LRRC7: variants seen among roughly 807,000 people sequenced by gnomAD.
LRRC7 encodes leucine rich repeat containing 7, also known as leucine-rich repeat-containing protein 7.
In LRRC7, 23 loss-of-function variants were observed where a neutral mutation model predicts 175.7. The ratio of observed to expected loss-of-function variants is 0.13; its 90% CI spans 0.09 to 0.19. The LOEUF is 0.19. Ranked by LOEUF, LRRC7 falls within the 10% of genes least tolerant of loss-of-function variation. The pLI is 1.00. For synonymous variants in LRRC7, 685 were observed against 680.9 expected, an observed-to-expected ratio of 1.01 and a Z score of -0.09; for missense variants, 1,354 against 1,904.7, an observed-to-expected ratio of 0.71 and a Z score of 5.38.
intron 8 of LRRC7, among the ~76,000 whole-genome samples, chr1:69,968,770 G>A (rs541386386): frequency 4.6e-5 from 7 of 152,088 alleles, no homozygotes; most frequent in South Asian, 2.1e-4. Context: ...TAAAACAACC[G>A]CTGAAAGGAG....
intron 3 of LRRC7, among the ~76,000 whole-genome samples, chr1:69,786,086 A>AT (rs1010759534): frequency 2.7e-4 from 41 of 152,076 alleles, no homozygotes; most frequent in South Asian, 4.2e-4. Flanking sequence ...ATATTTAGTG[A>AT]TTTTTTTAAA....
chr1:69,579,641 T>A (rs528616217), intron 1 of LRRC7, among the ~76,000 whole-genome samples: 1 of 152,288 alleles, frequency 6.6e-6, no homozygotes, highest in African/African-American at 2.4e-5. Context: ...GTTCCACTTA[T>A]TCTTCTGAAT....
chr1:69,892,394 C>T (rs6704345), intron 7 of LRRC7, among the ~76,000 whole-genome samples: 21,631 of 152,058 alleles, frequency 0.14, 2,268 homozygotes, highest in African/African-American at 0.3. Flanking sequence ...AGTTGGTACT[C>T]AAGGCATGAG....
Position 69,731,390 on chromosome 1 carries a change from A to G in LRRC7, c.101-28801A>G, listed in dbSNP as rs993092702. ...CCCCATGATTCAATTACCTCCCACC[A>G]GGTTCCTCCCACAATATGTGGGGAT... On this transcript the variant is annotated intron_variant, in intron 2 of 26. Coordinates refer to ENST00000651989, the MANE Select transcript of LRRC7 (RefSeq NM_001370785.2). Among the ~76,000 whole-genome samples the G allele has an allele frequency of 5.3e-5, 8 of 152,176 alleles. 1 individual carries two copies. Among genetic ancestry groups the G allele is most frequent in the South Asian group, 4.2e-4 (2 of 4,816 alleles).
intron 1 of LRRC7, among the ~76,000 whole-genome samples, chr1:69,646,585 T>A (rs2100458325): frequency 6.6e-6 from 1 of 152,266 alleles, no homozygotes. Flanking sequence ...TGGCTGCATG[T>A]GCTATGCTGT....
chr1:70,100,568 C>T (rs1445563412), intron 25 of LRRC7, among the ~76,000 whole-genome samples: 8 of 152,132 alleles, frequency 5.3e-5, no homozygotes, highest in African/African-American at 7.2e-5. Context: ...AAGTGATTTC[C>T]GTTGTAATAT....
At chr1:69,848,656 C>G (rs1682635655) in intron 7 of LRRC7, among the ~76,000 whole-genome samples, 1 of 152,082 alleles carries the variant, frequency 6.6e-6, no homozygotes, top group Admixed American at 6.6e-5. Context: ...GGTCTCCTCT[C>G]TCCTCTCTAC....
intron 7 of LRRC7, among the ~76,000 whole-genome samples, chr1:69,894,100 A>T (rs553455291): frequency 1.8e-4 from 28 of 152,200 alleles, no homozygotes; most frequent in Non-Finnish European, 3.1e-4. Flanking sequence ...AGAAATAGTG[A>T]TCATTTTATT....
chr1:69,981,032 C>G (rs185910024), intron 9 of LRRC7, among the ~76,000 whole-genome samples: 28 of 152,262 alleles, frequency 1.8e-4, no homozygotes, highest in Admixed American at 5.9e-4. Context: ...GTTTACCAGT[C>G]AACTCATTGA....
At chr1:70,093,940 A>G (rs1451449018) in intron 25 of LRRC7, among the ~76,000 whole-genome samples, 1 of 152,214 alleles carries the variant, frequency 6.6e-6, no homozygotes, top group Non-Finnish European at 1.5e-5. Flanking sequence ...GTAACATTTT[A>G]TAAGGCAACC....
At position 69,938,995 on chromosome 1, in the gene LRRC7, T is replaced by TTATATA. The variant is rs71583104; in HGVS notation, c.711+7439_711+7444dup. Among the ~76,000 whole-genome samples, 411 of 97,358 alleles carry TTATATA rather than the reference T, an allele frequency of 4.2e-3. 11 individuals carry two copies. The highest frequency in any genetic ancestry group is 5.9e-3 in the African/African-American group (149 of 25,268). The allele number at this position is 97,358 out of a possible 152,430, so 63.9% of individuals were successfully genotyped here. On this transcript the variant is annotated intron_variant, in intron 8 of 26. Coordinates refer to ENST00000651989, the MANE Select transcript of LRRC7 (RefSeq NM_001370785.2). ...TTTGTAAAGCCACTAAGGCTGTAGATTATATATATATATATATATCTATAT... is the reference window on the plus strand; with the variant it reads ...TTTGTAAAGCCACTAAGGCTGTAGATTATATATATATATATATATATATATCTATAT...
Position 70,043,697 on chromosome 1 carries a change from G to A in LRRC7, c.3970-257G>A, listed in dbSNP as rs1434025910. Among the ~76,000 whole-genome samples, 6 of 152,148 alleles carry A rather than the reference G, an allele frequency of 3.9e-5. No individual in the cohort carries two copies. The South Asian group carries it at 8.3e-4, about 21-fold the overall frequency. On this transcript the variant is annotated intron_variant, in intron 21 of 26. Coordinates refer to ENST00000651989, the MANE Select transcript of LRRC7 (RefSeq NM_001370785.2). ...ATGTATAAGAGACAGAATTTATGAC[G>A]TTGAGTTAGCAGCAGATGTAAAACA...
At chr1:70,108,794 G>A (rs918930639) in intron 26 of LRRC7, among the ~76,000 whole-genome samples, 2 of 152,126 alleles carry the variant, frequency 1.3e-5, no homozygotes, top group Non-Finnish European at 2.9e-5. Flanking sequence ...TGTGAAAAAG[G>A]AACCTTAGAT....
At chr1:69,901,618 C>G (rs1165308113) in intron 7 of LRRC7, among the ~76,000 whole-genome samples, 2 of 152,106 alleles carry the variant, frequency 1.3e-5, no homozygotes, top group African/African-American at 4.8e-5. Context: ...CCAGCCTTCT[C>G]CAAGAGCAAA....
intron 23 of LRRC7, among the ~76,000 whole-genome samples, chr1:70,065,381 T>C (rs757329463): frequency 3.9e-5 from 6 of 151,996 alleles, no homozygotes; most frequent in Non-Finnish European, 8.8e-5. Context: ...GCTTATCTTA[T>C]AGAGTGGCTT....
chr1:69,803,728 C>T (rs185677492), intron 4 of LRRC7, among the ~76,000 whole-genome samples: 6 of 151,124 alleles, frequency 4.0e-5, no homozygotes, highest in East Asian at 1.9e-4. Flanking sequence ...TTCTTGAGTC[C>T]GTTTTTCATA....
chr1:69,579,842 C>A (rs534801194), intron 1 of LRRC7, among the ~76,000 whole-genome samples: 1 of 150,234 alleles, frequency 6.7e-6, no homozygotes, highest in Non-Finnish European at 1.5e-5. Flanking sequence ...CCATGTTGCC[C>A]ATGCTGGTCT....
intron 3 of LRRC7, among the ~76,000 whole-genome samples, chr1:69,778,560 T>C (rs1208111323): frequency 6.6e-6 from 1 of 152,178 alleles, no homozygotes; most frequent in Non-Finnish European, 1.5e-5. Context: ...GAGGTCCACC[T>C]GGCAGAAGTG....
chr1:69,851,522 G>A (rs1184966724), intron 7 of LRRC7, among the ~76,000 whole-genome samples: 2 of 152,118 alleles, frequency 1.3e-5, no homozygotes, highest in Non-Finnish European at 2.9e-5. Flanking sequence ...AAATGGAGAA[G>A]ATGTCCGTAG....
Sources: gnomAD v4.1 joint callset for allele counts (sites outside exome capture counted in the v4.1 genomes callset) on GRCh38, gnomAD v4.1.1 for gene constraint, MANE v1.5 for transcripts, NCBI Gene and HGNC (gene_info 2026-07-23, HGNC 2026-07-21) for gene names.